The following GALNT10 variants were observed in gnomAD, a reference collection of about 807,000 sequenced individuals.
GALNT10 encodes the protein polypeptide N-acetylgalactosaminyltransferase 10, also known as GalNAc transferase 10.
A neutral mutation model predicts 75.0 loss-of-function variants in GALNT10; 41 were observed. The observed-to-expected ratio is 0.55, with a 90% CI of 0.43 to 0.71. GALNT10 has a LOEUF of 0.71. Among genes scored for constraint, GALNT10 ranks in the 30% least tolerant of loss-of-function variants. The pLI is 0.00. For synonymous variants in GALNT10, 302 were observed against 313.0 expected (o/e 0.96, Z 0.37); for missense variants, 727 against 818.5 (o/e 0.89, Z 1.36).
chr5:154,368,613 C>T (rs1270088408), intron 4 of GALNT10, among the ~76,000 whole-genome samples: 6 of 152,202 alleles, frequency 3.9e-5, no homozygotes, highest in Admixed American at 1.3e-4. Flanking sequence ...CCTTTCAGCT[C>T]TGCCACTCTC....
intron 7 of GALNT10, among the ~76,000 whole-genome samples, chr5:154,397,792 C>T (rs1756079161): frequency 6.6e-6 from 1 of 152,228 alleles, no homozygotes; most frequent in Non-Finnish European, 1.5e-5. Flanking sequence ...CCGTGCCATT[C>T]CTGGCTAGCT....
chr5:154,380,506 TGAC>T lies in GALNT10; in HGVS notation c.817_819del (p.Asp273del), dbSNP rs768624854. On this transcript the variant is annotated inframe_deletion, in exon 6 of 12. Coordinates refer to ENST00000297107, the MANE Select transcript of GALNT10 (RefSeq NM_198321.4). Reference sequence around the variant, plus strand: ...GCCCGATGATTGATGTAATTGACCATGACGACTTTCGGTACGAGACACAGGCAG... The same window carrying T: ...GCCCGATGATTGATGTAATTGACCATGACTTTCGGTACGAGACACAGGCAG... 2.0e-4 allele frequency: 325 copies of T among 1,614,070 alleles called. No individual in the cohort carries two copies. Among genetic ancestry groups the T allele is most frequent in the South Asian group, 1.3e-4 (12 of 91,082 alleles).
intron 4 of GALNT10, among the ~76,000 whole-genome samples, chr5:154,359,865 C>T (rs1197732578): frequency 6.6e-6 from 1 of 151,752 alleles, no homozygotes; most frequent in Non-Finnish European, 1.5e-5. Flanking sequence ...TCTCACCATT[C>T]TAAATAGGAA....
At chr5:154,273,629 T>C (rs777340729) in intron 1 of GALNT10, among the ~76,000 whole-genome samples, 6 of 152,164 alleles carry the variant, frequency 3.9e-5, no homozygotes, top group Admixed American at 2.0e-4. Flanking sequence ...CAGTTGTTAA[T>C]AGTGGTTATC....
Position 154,412,982 on chromosome 5 carries a change from G to A in GALNT10, c.1480G>A (p.Glu494Lys). The change falls in exon 10 of 12, where the codon GAG becomes AAG. Residue 494 changes from glutamate (E) to lysine (K), a missense_variant. By Grantham distance (56) the Glu-to-Lys change is moderately conservative (BLOSUM62 1). Transcript: ENST00000297107. This position sits in a 1 kb window ranked among gnomAD's most constrained non-coding sequence, Gnocchi z 4.2. ...RLEGCVRGRG[E>K]AAWNNMQVFT... The stretch of plus-strand genomic sequence containing the variant: ...AGAGGGCTGCGTCCGAGGCCGTGGG[G>A]AGGCTGCCTGGAACAACATGCAGGT... The A allele has an allele frequency of 6.2e-7, 1 of 1,611,844 alleles. No homozygotes were observed. Among genetic ancestry groups the A allele is most frequent in the South Asian group, 1.1e-5 (1 of 91,028 alleles).
chr5:154,269,611 G>T (rs1418531523), intron 1 of GALNT10, among the ~76,000 whole-genome samples: 1 of 152,230 alleles, frequency 6.6e-6, no homozygotes, highest in Non-Finnish European at 1.5e-5. Flanking sequence ...CGTGGCTGGG[G>T]CCAGTGGACT....
intron 3 of GALNT10, among the ~76,000 whole-genome samples, chr5:154,325,408 A>G (rs920734166): frequency 6.6e-6 from 1 of 152,172 alleles, no homozygotes; most frequent in South Asian, 2.1e-4. Context: ...AAAATCAGAC[A>G]AAGACATAAC....
At chr5:154,333,523 C>T (rs1470685263) in intron 4 of GALNT10, among the ~76,000 whole-genome samples, 2 of 152,092 alleles carry the variant, frequency 1.3e-5, no homozygotes, top group Non-Finnish European at 2.9e-5. Flanking sequence ...TCCCAATTTC[C>T]TCAGTGTACA....
chr5:154,203,818 C>T (rs573831191), intron 1 of GALNT10, among the ~76,000 whole-genome samples: 10 of 152,274 alleles, frequency 6.6e-5, no homozygotes, highest in East Asian at 1.9e-4. Flanking sequence ...CCTCCTCTTT[C>T]GAAAAGTTCC....
rs552030897 is a variant in GALNT10, at chr5:154,274,356, C to T, written c.160-20460C>T. On this transcript the variant is annotated intron_variant, in intron 1 of 11. Coordinates refer to ENST00000297107, the MANE Select transcript of GALNT10 (RefSeq NM_198321.4). The stretch of plus-strand genomic sequence containing the variant: ...TAGAAAACCATTCCCCTTGTAAAAA[C>T]ATGCTTATGAACACAGACCTGCTGC... Among the ~76,000 whole-genome samples, 11 of 152,310 alleles carry T rather than the reference C, an allele frequency of 7.2e-5. No homozygotes were observed. The South Asian group carries it at 2.3e-3, about 32-fold the overall frequency.
chr5:154,210,361 C>A (rs1775176828), intron 1 of GALNT10, among the ~76,000 whole-genome samples: 1 of 148,260 alleles, frequency 6.7e-6, no homozygotes, highest in Non-Finnish European at 1.5e-5. Context: ...GGCACACATG[C>A]ACTTGCATGC....
intron 1 of GALNT10, among the ~76,000 whole-genome samples, chr5:154,282,431 A>G (rs1754053227): frequency 6.6e-6 from 1 of 152,228 alleles, no homozygotes; most frequent in African/African-American, 2.4e-5. Flanking sequence ...CAAGGATGTC[A>G]GGAAAATATC....
intron 4 of GALNT10, among the ~76,000 whole-genome samples, chr5:154,374,059 T>G (rs184707834): frequency 6.6e-5 from 10 of 152,318 alleles, no homozygotes; most frequent in Admixed American, 6.5e-4. Flanking sequence ...ATGGATTTTT[T>G]TCTTTTTTCG....
chr5:154,343,594 A>G (rs1183106597), intron 4 of GALNT10, among the ~76,000 whole-genome samples: 1 of 152,182 alleles, frequency 6.6e-6, no homozygotes, highest in African/African-American at 2.4e-5. Flanking sequence ...GCATGGAATA[A>G]ATTCCTCCTG....
chr5:154,338,011 G>T (rs573827183), intron 4 of GALNT10: 6 of 1,541,260 alleles, frequency 3.9e-6, no homozygotes, highest in Non-Finnish European at 4.4e-6. Context: ...CCACTGCCTC[G>T]ATCAGTCATG....
intron 4 of GALNT10, among the ~76,000 whole-genome samples, chr5:154,343,798 C>T (rs1755076785): frequency 6.6e-6 from 1 of 152,218 alleles, no homozygotes; most frequent in African/African-American, 2.4e-5. Flanking sequence ...ATATAAAACT[C>T]ACCCATGAAC....
Position 154,352,169 on chromosome 5 carries a change from G to T in GALNT10, c.568+22431G>T, listed in dbSNP as rs1755213298. 6.6e-6 allele frequency among the ~76,000 whole-genome samples: 1 copy of T among 152,176 alleles called. No individual in the cohort carries two copies. Reference sequence around the variant, plus strand: ...TTCTAGCATTGGCCATTCCTGGCCTGACTCTGCACCCAGCACCCTGACCTG... The same window carrying T: ...TTCTAGCATTGGCCATTCCTGGCCTTACTCTGCACCCAGCACCCTGACCTG... On this transcript the variant is annotated intron_variant, in intron 4 of 11. Coordinates refer to ENST00000297107, the MANE Select transcript of GALNT10 (RefSeq NM_198321.4). The surrounding 1 kb of genome is among the most constrained non-coding windows in gnomAD (Gnocchi z 4.4).
intron 3 of GALNT10, among the ~76,000 whole-genome samples, chr5:154,310,987 A>T (rs947313026): frequency 6.6e-6 from 1 of 152,250 alleles, no homozygotes; most frequent in Non-Finnish European, 1.5e-5. Flanking sequence ...AGTTCAGTGA[A>T]TTCAGCCCTG....
intron 4 of GALNT10, chr5:154,338,133 C>G (rs1361298316): frequency 7.5e-6 from 7 of 931,514 alleles, no homozygotes; most frequent in Non-Finnish European, 1.0e-5. Context: ...GAGTGGGCAC[C>G]TGGTCTTTGA....
Sources: gnomAD v4.1 joint callset for allele counts (sites outside exome capture counted in the v4.1 genomes callset) on GRCh38, gnomAD v4.1.1 for gene constraint, Gnocchi (gnomAD v3.1) non-coding constraint, MANE v1.5 for transcripts, NCBI Gene and HGNC (gene_info 2026-07-23, HGNC 2026-07-21) for gene names.